KIF16B: variants seen among roughly 807,000 people sequenced by gnomAD.
The protein encoded by KIF16B is kinesin family member 16B.
Under a neutral mutation model 156.3 loss-of-function variants are expected in KIF16B, and 98 were observed. The observed-to-expected ratio is 0.63, with a 90% CI of 0.53 to 0.74. The LOEUF (loss-of-function observed/expected upper bound fraction) is 0.74, where lower values mean the gene tolerates loss of function less well. Among genes scored for constraint, KIF16B ranks in the 30% least tolerant of loss-of-function variants. The probability of loss-of-function intolerance (pLI) is 0.00; values close to 1 mark genes in which losing one functional copy is unlikely to be tolerated. For synonymous variants in KIF16B, 564 were observed against 583.7 expected (o/e 0.97, Z 0.49); for missense variants, 1,421 against 1,606.5 (o/e 0.88, Z 1.97).
Position 16,482,562 on chromosome 20 carries a change from G to T in KIF16B, c.1302+11729C>A, listed in dbSNP as rs372064072. On this transcript the variant is annotated intron_variant, in intron 12 of 25. Coordinates refer to ENST00000354981, the MANE Select transcript of KIF16B (RefSeq NM_024704.5). ...TCAATCTAAAGGAGAAAAGGAAAATGACTTTAAATACACAGAATTTGTTGT... is the reference window on the plus strand; with the variant it reads ...TCAATCTAAAGGAGAAAAGGAAAATTACTTTAAATACACAGAATTTGTTGT... Among the ~76,000 whole-genome samples the T allele has an allele frequency of 1.3e-4, 20 of 152,234 alleles. 2 individuals carry two copies. The East Asian group carries it at 3.7e-3, about 28-fold the overall frequency.
Position 16,526,223 on chromosome 20 carries a change from GAAT to G in KIF16B, c.118-21_118-19del. 7.2e-7 allele frequency: 1 copy of G among 1,390,020 alleles called. No individual in the cohort carries two copies. Among genetic ancestry groups the G allele is most frequent in the Non-Finnish European group, 1.0e-6 (1 of 1,002,026 alleles). The allele number at this position is 1,390,020 out of a possible 1,614,324, so 86.1% of individuals were successfully genotyped here. Reference sequence around the variant, plus strand: ...TCTGGTATCTAGAAAGAAATGATTAGAATAATAATGATAATGTAAAGAGCACTG... The same window carrying G: ...TCTGGTATCTAGAAAGAAATGATTAGAATAATGATAATGTAAAGAGCACTG... On this transcript the variant is annotated intron_variant, in intron 2 of 25. Transcript: ENST00000354981.
intron 25 of KIF16B, among the ~76,000 whole-genome samples, chr20:16,280,216 A>G (rs2063124784): frequency 6.6e-6 from 1 of 152,220 alleles, no homozygotes; most frequent in Non-Finnish European, 1.5e-5. Context: ...TGGTTTGCTC[A>G]CAGGAACTAA....
chr20:16,516,657 A>G (rs920517649), intron 3 of KIF16B, among the ~76,000 whole-genome samples: 3 of 152,192 alleles, frequency 2.0e-5, no homozygotes, highest in Admixed American at 6.5e-5. Context: ...CATTCGGTCT[A>G]TGAGTGACAC....
intron 25 of KIF16B, among the ~76,000 whole-genome samples, chr20:16,276,039 C>T (rs140462955): frequency 1.6e-4 from 24 of 152,342 alleles, no homozygotes; most frequent in South Asian, 6.2e-4. Flanking sequence ...GAGCAAGGCT[C>T]GCTGCACAGG....
intron 12 of KIF16B, among the ~76,000 whole-genome samples, chr20:16,472,075 C>T (rs557503521): frequency 2.5e-4 from 38 of 152,336 alleles, no homozygotes; most frequent in South Asian, 8.3e-4. Context: ...ATTTGATCTG[C>T]TAAGCCAGGG....
intron 22 of KIF16B, among the ~76,000 whole-genome samples, chr20:16,363,919 T>G (rs2064603289): frequency 6.6e-6 from 1 of 152,026 alleles, no homozygotes. Context: ...TGAGGCAGAG[T>G]TGTCTAAGCT....
At chr20:16,480,561 G>A (rs1047049103) in intron 12 of KIF16B, among the ~76,000 whole-genome samples, 10 of 152,342 alleles carry the variant, frequency 6.6e-5, no homozygotes, top group African/African-American at 2.4e-4. Context: ...AACTCAGAAT[G>A]AGTAGGAACT....
At chr20:16,361,389 T>C (rs917949850) in intron 22 of KIF16B, among the ~76,000 whole-genome samples, 1 of 152,230 alleles carries the variant, frequency 6.6e-6, no homozygotes. Flanking sequence ...ACAAATGATG[T>C]ATATGGTAAA....
At chr20:16,569,807 T>G (rs1419715022) in intron 1 of KIF16B, among the ~76,000 whole-genome samples, 1 of 152,234 alleles carries the variant, frequency 6.6e-6, no homozygotes, top group Non-Finnish European at 1.5e-5. Context: ...ACTGCTGGGT[T>G]AATAATTAAT....
At chr20:16,570,603 T>C (rs1277583594) in intron 1 of KIF16B, among the ~76,000 whole-genome samples, 3 of 152,236 alleles carry the variant, frequency 2.0e-5, no homozygotes, top group Non-Finnish European at 4.4e-5. Context: ...TATATATCTC[T>C]TTCTACTCAC....
Position 16,501,380 on chromosome 20 carries a change from G to A in KIF16B, c.1176+2992C>T, listed in dbSNP as rs141468445. 1.5e-3 allele frequency among the ~76,000 whole-genome samples: 179 copies of A among 119,642 alleles called. 2 individuals carry two copies. The highest frequency in any genetic ancestry group is 2.4e-3 in the Non-Finnish European group (139 of 57,750). The allele number at this position is 119,642 out of a possible 152,430, so 78.5% of individuals were successfully genotyped here. ...TTGGTTCAATACCAAGAATTTAACC[G>A]GCACTTCTATACACTGATGGTGGTC... On this transcript the variant is annotated intron_variant, in intron 10 of 25. Coordinates refer to ENST00000354981, the MANE Select transcript of KIF16B (RefSeq NM_024704.5).
At chr20:16,306,911 G>A (rs1430865663) in intron 25 of KIF16B, among the ~76,000 whole-genome samples, 2 of 152,088 alleles carry the variant, frequency 1.3e-5, no homozygotes, top group African/African-American at 4.8e-5. Context: ...TATCCTCATT[G>A]TTCAGAGAAG....
chr20:16,554,314 C>A (rs1039980671), intron 1 of KIF16B, among the ~76,000 whole-genome samples: 3 of 152,176 alleles, frequency 2.0e-5, no homozygotes, highest in African/African-American at 7.2e-5. Flanking sequence ...AAGACAATGA[C>A]CTGCCAGCTG....
chr20:16,378,770 C>T, intron 19 of KIF16B, 35 bp downstream of exon 19: 2 of 1,531,694 alleles, frequency 1.3e-6, no homozygotes, highest in Non-Finnish European at 1.8e-6. Context: ...CATTTGGCAC[C>T]CACTGTATGC....
Position 16,549,012 on chromosome 20 carries a change from T to G in KIF16B, c.48-20572A>C, listed in dbSNP as rs200160373. Reference sequence around the variant, plus strand: ...AGAATTTTAAAATACTCATTTTCGGTTTTTTTTTTTTATGTTTTTTTTTCG... The same window carrying G: ...AGAATTTTAAAATACTCATTTTCGGGTTTTTTTTTTTATGTTTTTTTTTCG... On this transcript the variant is annotated intron_variant, in intron 1 of 25. Transcript: ENST00000354981. Among the ~76,000 whole-genome samples, 29 of 44,518 alleles carry G rather than the reference T, an allele frequency of 6.5e-4. No individual in the cohort carries two copies. In the East Asian group the frequency reaches 0.018, roughly 28 times the overall value. 29.2% of individuals were successfully genotyped at this position (44,518 alleles called of 152,430 possible). A position where few individuals can be genotyped will look rare whatever the true frequency, so the allele number is the denominator to read the frequency against.
At chr20:16,334,708 AAAAAG>A (rs2064005320) in intron 24 of KIF16B, among the ~76,000 whole-genome samples, 1 of 152,086 alleles carries the variant, frequency 6.6e-6, no homozygotes, top group African/African-American at 2.4e-5. Context: ...TCTGATTGTG[AAAAAG>A]AGTCTAGGAC....
intron 1 of KIF16B, among the ~76,000 whole-genome samples, chr20:16,529,102 G>A (rs1290819845): frequency 6.6e-6 from 1 of 152,088 alleles, no homozygotes; most frequent in Non-Finnish European, 1.5e-5. Flanking sequence ...GACAAAAGAT[G>A]GAGAAAATCT....
At chr20:16,415,174 A>G (rs2066056722) in intron 15 of KIF16B, among the ~76,000 whole-genome samples, 1 of 152,194 alleles carries the variant, frequency 6.6e-6, no homozygotes, top group Admixed American at 6.5e-5. Context: ...AATTCAAGAC[A>G]GTGTATAGTC....
chr20:16,512,959 A>C, intron 4 of KIF16B, 36 bp from the exon 5 acceptor site: 1 of 1,463,472 alleles, frequency 6.8e-7, no homozygotes, highest in Non-Finnish European at 9.6e-7. Flanking sequence ...GCTGTCACTC[A>C]AAATAAAAGC....
Sources: gnomAD v4.1 joint callset for allele counts (sites outside exome capture counted in the v4.1 genomes callset) on GRCh38, gnomAD v4.1.1 for gene constraint, MANE v1.5 for transcripts, NCBI Gene and HGNC (gene_info 2026-07-23, HGNC 2026-07-21) for gene names.